AUTS2: variants seen among roughly 807,000 people sequenced by gnomAD.
The protein encoded by AUTS2 is activator of transcription and developmental regulator AUTS2.
In AUTS2, 17 loss-of-function variants were observed where a neutral mutation model predicts 112.4. That is an observed-to-expected ratio of 0.15 (90% CI 0.10 to 0.23). The LOEUF (loss-of-function observed/expected upper bound fraction) is 0.23. Ranked by LOEUF, AUTS2 falls within the 10% of genes least tolerant of loss-of-function variation. AUTS2 has a pLI of 1.00. For synonymous variants in AUTS2, 751 were observed against 702.7 expected, an observed-to-expected ratio of 1.07 and a Z score of -1.09; for missense variants, 1,510 against 1,701.6, an observed-to-expected ratio of 0.89 and a Z score of 1.98.
At chr7:70,771,249 C>T (rs1341668948) in intron 10 of AUTS2, 1 of 200,236 alleles carries the variant, frequency 5.0e-6, no homozygotes, top group Admixed American at 6.0e-5. Context: ...ATTAAAATCT[C>T]CAATCATTTA....
intron 5 of AUTS2, among the ~76,000 whole-genome samples, chr7:70,562,194 A>G (rs1274415241): frequency 1.3e-5 from 2 of 152,012 alleles, no homozygotes; most frequent in Non-Finnish European, 2.9e-5. Flanking sequence ...TAAATTATCC[A>G]CCCTCAGGTA....
intron 5 of AUTS2, among the ~76,000 whole-genome samples, chr7:70,620,298 A>T (rs903818513): frequency 6.6e-6 from 1 of 152,140 alleles, no homozygotes; most frequent in Admixed American, 6.5e-5. Flanking sequence ...AAACACAATC[A>T]TATTCCCTGT....
At chr7:70,723,522 T>G (rs1216440776) in intron 6 of AUTS2, among the ~76,000 whole-genome samples, 1 of 151,876 alleles carries the variant, frequency 6.6e-6, no homozygotes, top group Non-Finnish European at 1.5e-5. Flanking sequence ...AGCCACTCTG[T>G]TAAAGGAGCT....
At chr7:70,623,862 G>A (rs550674908) in intron 5 of AUTS2, among the ~76,000 whole-genome samples, 151 of 152,126 alleles carry the variant, frequency 9.9e-4, no homozygotes, top group African/African-American at 3.5e-3. Flanking sequence ...TCAGAAATGG[G>A]CCACAATTCA....
intron 5 of AUTS2, among the ~76,000 whole-genome samples, chr7:70,472,386 A>G (rs1164662464): frequency 7.1e-6 from 1 of 140,780 alleles, no homozygotes; most frequent in Non-Finnish European, 1.5e-5. Flanking sequence ...TTTTTTTCCC[A>G]GTACCGTAAC....
At chr7:70,236,541 T>C (rs1812338648) in intron 4 of AUTS2, among the ~76,000 whole-genome samples, 1 of 152,258 alleles carries the variant, frequency 6.6e-6, no homozygotes, top group Admixed American at 6.5e-5. Context: ...TTCATCTGTA[T>C]GTGTATATTG....
intron 5 of AUTS2, among the ~76,000 whole-genome samples, chr7:70,474,751 A>G (rs143129217): frequency 6.6e-6 from 1 of 152,312 alleles, no homozygotes; most frequent in African/African-American, 2.4e-5. Flanking sequence ...TCAGCCATAG[A>G]CATCCCCAGA....
intron 1 of AUTS2, among the ~76,000 whole-genome samples, chr7:69,884,367 A>G (rs1205425553): frequency 2.6e-5 from 4 of 152,234 alleles, no homozygotes; most frequent in Non-Finnish European, 4.4e-5. Flanking sequence ...AGACATCCCT[A>G]TTGCCTATTA....
rs551555386 is a variant in AUTS2 at position 70,530,150 on chromosome 7, G to A, written c.690+94369G>A. 1.7e-4 allele frequency among the ~76,000 whole-genome samples: 26 copies of A among 152,294 alleles called. 1 individual carries two copies. The highest frequency in any genetic ancestry group is 5.5e-4 in the African/African-American group (23 of 41,572). On this transcript the variant is annotated intron_variant, in intron 5 of 18. Transcript: ENST00000342771. Reference sequence around the variant, plus strand: ...ATTTGAGGGAGGGAAGATTGGGAAGGGGGTGTTGCTAGCTGCAAAATTCCA... The same window carrying A: ...ATTTGAGGGAGGGAAGATTGGGAAGAGGGTGTTGCTAGCTGCAAAATTCCA...
chr7:70,242,208 G>T (rs1265821887), intron 4 of AUTS2, among the ~76,000 whole-genome samples: 1 of 152,140 alleles, frequency 6.6e-6, no homozygotes, highest in Non-Finnish European at 1.5e-5. Context: ...TCATCAACTT[G>T]TAAACCTCCA....
intron 5 of AUTS2, among the ~76,000 whole-genome samples, chr7:70,481,024 G>T (rs888658628): frequency 3.3e-5 from 5 of 152,200 alleles, no homozygotes; most frequent in African/African-American, 4.8e-5. Context: ...TTTAGTGAGA[G>T]TTGAAGGCTC....
intron 5 of AUTS2, among the ~76,000 whole-genome samples, chr7:70,672,556 A>G (rs1008509878): frequency 2.1e-4 from 32 of 152,216 alleles, no homozygotes; most frequent in African/African-American, 7.0e-4. Flanking sequence ...AGCTGAATAG[A>G]TAATAGTCAC....
In AUTS2 at chr7:70,744,421, C is replaced by T. The variant is rs113780906; in HGVS notation, c.743-18449C>T. Among the ~76,000 whole-genome samples the T allele has an allele frequency of 5.3e-3, 810 of 152,254 alleles. 13 individuals are homozygous for T. In the South Asian group the frequency reaches 0.056, roughly 10 times the overall value. ...TCTGTTTCATCTTGCCTTTTCTAGG[C>T]CGCCCTCTCCTGTCTTTAAGGTCAG... is the stretch of plus-strand genomic sequence containing the variant. On this transcript the variant is annotated intron_variant, in intron 6 of 18. Coordinates refer to ENST00000342771, the MANE Select transcript of AUTS2 (RefSeq NM_015570.4).
chr7:69,923,470 G>A (rs1298979709), intron 2 of AUTS2, among the ~76,000 whole-genome samples: 2 of 152,118 alleles, frequency 1.3e-5, no homozygotes, highest in African/African-American at 4.8e-5. Flanking sequence ...ATGACTTTTA[G>A]AATCAGCTTG....
chr7:70,672,248 G>T (rs1484423773), intron 5 of AUTS2, among the ~76,000 whole-genome samples: 1 of 152,216 alleles, frequency 6.6e-6, no homozygotes, highest in Non-Finnish European at 1.5e-5. Flanking sequence ...CTGGGGAACT[G>T]GTGAGAGAGA....
At chr7:70,392,004 A>T (rs1793885293) in intron 4 of AUTS2, among the ~76,000 whole-genome samples, 1 of 152,096 alleles carries the variant, frequency 6.6e-6, no homozygotes. Context: ...GTGCTTCCTG[A>T]CTTCTCCAGT....
chr7:70,145,276 C>G lies in AUTS2; in HGVS notation c.660+10705C>G, dbSNP rs1807069958. Among the ~76,000 whole-genome samples the G allele has an allele frequency of 2.0e-5, 3 of 152,208 alleles. No homozygotes were observed. The South Asian group carries it at 6.2e-4, about 31-fold the overall frequency. The stretch of plus-strand genomic sequence containing the variant: ...AGTTTTGAGACAACCTGTGGGCATA[C>G]TTAACATACTGTACCTTTTTTCTTT... On this transcript the variant is annotated intron_variant, in intron 4 of 18. Transcript: ENST00000342771.
Position 70,766,103 on chromosome 7 carries a change from T to C in AUTS2, c.1469-11T>C. The C allele has an allele frequency of 6.2e-7, 1 of 1,609,946 alleles. No homozygotes were observed. The highest frequency in any genetic ancestry group is 8.5e-7 in the Non-Finnish European group (1 of 1,176,550). ...AAAAGGCGTCATCGTCTCCCTCTTC[T>C]TCTCTTCCAGAGCAAGACATCTTGC... On this transcript the variant is annotated splice_polypyrimidine_tract_variant and intron_variant, in intron 8 of 18. Coordinates refer to ENST00000342771, the MANE Select transcript of AUTS2 (RefSeq NM_015570.4). This position sits in a 1 kb window ranked among gnomAD's most constrained non-coding sequence, Gnocchi z 4.8.
chr7:70,000,216 C>T (rs953758670), intron 2 of AUTS2, among the ~76,000 whole-genome samples: 5 of 152,070 alleles, frequency 3.3e-5, no homozygotes, highest in South Asian at 4.1e-4. Context: ...GTCAGGGAAC[C>T]GTACATAGAA....
Sources: allele counts gnomAD v4.1 joint callset (sites outside exome capture counted in the v4.1 genomes callset), GRCh38; gene constraint gnomAD v4.1.1; non-coding constraint Gnocchi (gnomAD v3.1); transcripts MANE v1.5; gene names NCBI Gene and HGNC (gene_info 2026-07-23, HGNC 2026-07-21).